KCNN2: variants seen among roughly 807,000 people sequenced by gnomAD.
KCNN2 encodes small conductance calcium-activated potassium channel protein 2.
Under a neutral mutation model 55.5 loss-of-function variants are expected in KCNN2, and 24 were observed. That is an observed-to-expected ratio of 0.43 (90% CI 0.31 to 0.61). KCNN2 has a LOEUF of 0.61. Ranked by LOEUF, KCNN2 falls within the 20% of genes least tolerant of loss-of-function variation. The pLI is 0.08. For missense variants in KCNN2, 754 were observed against 853.6 expected, an observed-to-expected ratio of 0.88 and a Z score of 1.45; for synonymous variants, 431 against 336.1, an observed-to-expected ratio of 1.28 and a Z score of -3.09.
At chr5:114,364,445 A>G (rs1274245998) in intron 2 of KCNN2, among the ~76,000 whole-genome samples, 1 of 152,106 alleles carries the variant, frequency 6.6e-6, no homozygotes, top group African/African-American at 2.4e-5. Flanking sequence ...CTGGGTGATG[A>G]GTTGCCAGCT....
intron 1 of KCNN2, among the ~76,000 whole-genome samples, chr5:114,206,393 A>C (rs2112577296): frequency 6.6e-6 from 1 of 152,228 alleles, no homozygotes; most frequent in South Asian, 2.1e-4. Flanking sequence ...CACATATCCC[A>C]AATTCCTCCA....
intron 1 of KCNN2, among the ~76,000 whole-genome samples, chr5:114,096,846 C>A (rs555179754): frequency 2.6e-5 from 4 of 152,240 alleles, no homozygotes; most frequent in African/African-American, 7.2e-5. Context: ...CATCTGTAAT[C>A]TTTTAGAGGA....
At chr5:114,264,785 A>G (rs1005820123) in intron 2 of KCNN2, among the ~76,000 whole-genome samples, 6 of 152,182 alleles carry the variant, frequency 3.9e-5, no homozygotes, top group Non-Finnish European at 8.8e-5. Flanking sequence ...CCAGGGCAGC[A>G]TGCCACCAGA....
At chr5:114,265,125 C>T (rs1020953958) in intron 2 of KCNN2, among the ~76,000 whole-genome samples, 4 of 152,102 alleles carry the variant, frequency 2.6e-5, no homozygotes, top group Non-Finnish European at 4.4e-5. Flanking sequence ...AGTATTTTTA[C>T]AATGAGCAAA....
chr5:114,207,143 T>G (rs1309920016), intron 1 of KCNN2, among the ~76,000 whole-genome samples: 1 of 152,190 alleles, frequency 6.6e-6, no homozygotes, highest in Non-Finnish European at 1.5e-5. Context: ...ATGAACTCCC[T>G]AATGACTAGT....
intron 5 of KCNN2, among the ~76,000 whole-genome samples, chr5:114,474,601 T>C (rs1761888074): frequency 6.6e-6 from 1 of 152,230 alleles, no homozygotes; most frequent in Non-Finnish European, 1.5e-5. Context: ...AATATGTGCA[T>C]ATGAGATTAG....
At chr5:114,379,031 A>G (rs1054927509) in intron 2 of KCNN2, among the ~76,000 whole-genome samples, 1 of 152,116 alleles carries the variant, frequency 6.6e-6, no homozygotes, top group Non-Finnish European at 1.5e-5. Flanking sequence ...AATCTTCTCC[A>G]TTCTGAGCTG....
chr5:114,168,592 T>C (rs1752967382), intron 1 of KCNN2, among the ~76,000 whole-genome samples: 1 of 152,100 alleles, frequency 6.6e-6, no homozygotes, highest in African/African-American at 2.4e-5. Context: ...TTTTTATTTA[T>C]ATTTTCTTTC....
intron 2 of KCNN2, among the ~76,000 whole-genome samples, chr5:114,391,274 T>C (rs1265632112): frequency 6.6e-6 from 1 of 152,184 alleles, no homozygotes; most frequent in African/African-American, 2.4e-5. Context: ...TACTTGTCCC[T>C]CTCTGAAGGT....
intron 2 of KCNN2, among the ~76,000 whole-genome samples, chr5:114,384,873 A>T (rs1758228674): frequency 6.6e-6 from 1 of 152,176 alleles, no homozygotes; most frequent in African/African-American, 2.4e-5. Context: ...ATTTGCCATC[A>T]CTTTCTGCCA....
At chr5:114,367,650 ATT>A (rs577014520) in intron 2 of KCNN2, among the ~76,000 whole-genome samples, 12 of 143,292 alleles carry the variant, frequency 8.4e-5, no homozygotes, top group Admixed American at 1.4e-4. Context: ...TTTCAGTGAC[ATT>A]TTTTTTTTTT....
intron 1 of KCNN2, among the ~76,000 whole-genome samples, chr5:114,143,802 A>G (rs1200463687): frequency 6.6e-6 from 1 of 152,206 alleles, no homozygotes; most frequent in Non-Finnish European, 1.5e-5. Flanking sequence ...ATTCTGTAGT[A>G]GCAATAGTTT....
At chr5:114,097,128 A>G (rs1287507883) in intron 1 of KCNN2, among the ~76,000 whole-genome samples, 1 of 152,190 alleles carries the variant, frequency 6.6e-6, no homozygotes, top group African/African-American at 2.4e-5. Flanking sequence ...ACCTACTTGA[A>G]TGGTTAGATT....
intron 1 of KCNN2, among the ~76,000 whole-genome samples, chr5:114,173,941 C>T (rs1753089474): frequency 6.6e-6 from 1 of 151,730 alleles, no homozygotes; most frequent in African/African-American, 2.4e-5. Flanking sequence ...TTTTTGCACT[C>T]AACCTCCAAG....
At chr5:114,249,734 A>G (rs1349449245) in intron 2 of KCNN2, among the ~76,000 whole-genome samples, 1 of 120,498 alleles carries the variant, frequency 8.3e-6, no homozygotes, top group South Asian at 3.1e-4. Context: ...TTAAAAAAAA[A>G]CCCTAGCTTC....
At chr5:114,276,364 G>A (rs4705654) in intron 2 of KCNN2, among the ~76,000 whole-genome samples, 136,503 of 152,122 alleles carry the variant, frequency 0.9, 61,648 homozygotes, top group East Asian at 0.94. Flanking sequence ...CCAGAGCTGA[G>A]TTCAAGTATT....
chr5:114,168,869 A>G (rs1752973570), intron 1 of KCNN2, among the ~76,000 whole-genome samples: 1 of 152,066 alleles, frequency 6.6e-6, no homozygotes, highest in East Asian at 1.9e-4. Context: ...TCTATGTATA[A>G]TATGGTTTGG....
intron 1 of KCNN2, among the ~76,000 whole-genome samples, chr5:114,143,238 T>C (rs1752325261): frequency 6.6e-6 from 1 of 152,176 alleles, no homozygotes; most frequent in Non-Finnish European, 1.5e-5. Context: ...AGAACATCTG[T>C]ATACAGAAGT....
At chr5:114,076,584 T>C (rs1055828244) in intron 1 of KCNN2, among the ~76,000 whole-genome samples, 3 of 152,244 alleles carry the variant, frequency 2.0e-5, no homozygotes, top group Non-Finnish European at 4.4e-5. Context: ...ATCTCCTCAC[T>C]CCAAATATAG....
Sources: gnomAD v4.1 joint callset for allele counts (sites outside exome capture counted in the v4.1 genomes callset) on GRCh38, gnomAD v4.1.1 for gene constraint, MANE v1.5 for transcripts, NCBI Gene and HGNC (gene_info 2026-07-23, HGNC 2026-07-21) for gene names.